The following LRBA variants were observed in gnomAD, a reference collection of about 807,000 sequenced individuals.
LRBA encodes lipopolysaccharide-responsive and beige-like anchor protein.
LRBA carries 176 observed loss-of-function variants against 330.0 expected under a neutral mutation model. The observed-to-expected ratio is 0.53, with a 90% CI of 0.47 to 0.60. LRBA has a LOEUF of 0.60. LRBA is among the 20% of genes least tolerant of loss of function. The pLI, the probability that LRBA is intolerant of heterozygous loss-of-function variation, is 0.00. For missense variants in LRBA, 3,259 were observed against 3,444.8 expected (o/e 0.95, Z 1.35); for synonymous variants, 1,230 against 1,193.0 (o/e 1.03, Z -0.64).
At chr4:150,287,395 G>A (rs1045317569) in intron 53 of LRBA, among the ~76,000 whole-genome samples, 4 of 152,182 alleles carry the variant, frequency 2.6e-5, no homozygotes, top group Admixed American at 6.5e-5. Context: ...AGGTAGCAGG[G>A]GAGGAAAATA....
rs762047624 is a variant in LRBA, at chr4:150,735,246, T to A, written c.5754+12A>T. 37 of 1,590,466 alleles carry A rather than the reference T, an allele frequency of 2.3e-5. No individual in the cohort carries two copies. The highest frequency in any genetic ancestry group is 3.2e-5 in the Non-Finnish European group (37 of 1,158,728). The stretch of plus-strand genomic sequence containing the variant: ...CGGTAACTTCCGCACACCAACCATA[T>A]GTGTAACCTACCTCAAATTCCGCAT... On this transcript the variant is annotated intron_variant, in intron 36 of 56. Coordinates refer to ENST00000651943, the MANE Select transcript of LRBA (RefSeq NM_001364905.1).
At chr4:150,477,665 G>A (rs992184105) in intron 42 of LRBA, among the ~76,000 whole-genome samples, 2 of 152,038 alleles carry the variant, frequency 1.3e-5, no homozygotes, top group Admixed American at 6.6e-5. Flanking sequence ...CCTGGTGGGA[G>A]GTGATTATAT....
intron 37 of LRBA, among the ~76,000 whole-genome samples, chr4:150,609,613 GATTACT>G: frequency 1.3e-5 from 2 of 152,164 alleles, no homozygotes; most frequent in Non-Finnish European, 2.9e-5. Context: ...CAGATACATG[GATTACT>G]GGTGATGCTG....
chr4:150,956,634 T>C (rs1737576876), intron 2 of LRBA, among the ~76,000 whole-genome samples: 2 of 148,868 alleles, frequency 1.3e-5, no homozygotes, highest in Non-Finnish European at 2.9e-5. Flanking sequence ...CTCAACAAAA[T>C]ACTAGCAAAC....
In LRBA at chr4:150,347,782, C is replaced by G. The variant is rs1035766392; in HGVS notation, c.7362+2210G>C. On this transcript the variant is annotated intron_variant, in intron 48 of 56. Coordinates refer to ENST00000651943, the MANE Select transcript of LRBA (RefSeq NM_001364905.1). Reference sequence around the variant, plus strand: ...ATATAATTGAGCTTACACCTATATTCAAATATATATCTAATGTCTACATGG... The same window carrying G: ...ATATAATTGAGCTTACACCTATATTGAAATATATATCTAATGTCTACATGG... 1.8e-4 allele frequency among the ~76,000 whole-genome samples: 28 copies of G among 152,116 alleles called. No individual in the cohort carries two copies. In the South Asian group the frequency reaches 2.7e-3, roughly 15 times the overall value.
At chr4:150,371,713 T>A (rs1341439765) in intron 47 of LRBA, among the ~76,000 whole-genome samples, 1 of 151,680 alleles carries the variant, frequency 6.6e-6, no homozygotes, top group East Asian at 1.9e-4. Context: ...TTTATAAATA[T>A]ATAATATTAA....
At position 150,994,044 on chromosome 4, in the gene LRBA, G is replaced by A. The variant is rs1223550358; in HGVS notation, c.216+20383C>T. Among the ~76,000 whole-genome samples, 6 of 141,286 alleles carry A rather than the reference G, an allele frequency of 4.2e-5. No homozygotes were observed. The East Asian group carries it at 8.1e-4, about 19-fold the overall frequency. The allele number at this position is 141,286 out of a possible 152,430, so 92.7% of individuals were successfully genotyped here. ...CATACCACTGCACTCCAGCCTGGGC[G>A]ACAGAGCAAGACTCTGTCTCAAAAA... On this transcript the variant is annotated intron_variant, in intron 2 of 56. Transcript: ENST00000651943.
intron 40 of LRBA, among the ~76,000 whole-genome samples, chr4:150,571,588 T>G (rs546415396): frequency 6.7e-6 from 1 of 148,648 alleles, no homozygotes; most frequent in Non-Finnish European, 1.5e-5. Flanking sequence ...AATATCACTA[T>G]AAACTGAAGA....
intron 52 of LRBA, among the ~76,000 whole-genome samples, chr4:150,306,118 A>T (rs1446636281): frequency 6.6e-6 from 1 of 152,192 alleles, no homozygotes; most frequent in Non-Finnish European, 1.5e-5. Context: ...TGCACCACTG[A>T]ATCTAAAATG....
chr4:150,273,099 T>G (rs1331397049), intron 56 of LRBA, among the ~76,000 whole-genome samples: 1 of 152,140 alleles, frequency 6.6e-6, no homozygotes, highest in African/African-American at 2.4e-5. Context: ...CCCATCAGAC[T>G]AACAGCGGAT....
chr4:150,291,245 T>A (rs1253145916), intron 53 of LRBA, among the ~76,000 whole-genome samples: 1 of 144,182 alleles, frequency 6.9e-6, no homozygotes, highest in African/African-American at 2.6e-5. Context: ...ACTAAAGAGC[T>A]TCTGCACAGC....
chr4:150,327,204 G>A (rs913682220), intron 48 of LRBA, among the ~76,000 whole-genome samples: 2 of 152,104 alleles, frequency 1.3e-5, no homozygotes, highest in African/African-American at 2.4e-5. Context: ...CAGGAGGATC[G>A]CTTGAGGCCA....
intron 53 of LRBA, among the ~76,000 whole-genome samples, chr4:150,297,112 C>A (rs1338379833): frequency 6.7e-6 from 1 of 149,978 alleles, no homozygotes; most frequent in African/African-American, 2.4e-5. Flanking sequence ...GATACTCAAT[C>A]TGAGGGTATA....
At chr4:150,990,349 G>A (rs1051432540) in intron 2 of LRBA, among the ~76,000 whole-genome samples, 9 of 152,288 alleles carry the variant, frequency 5.9e-5, no homozygotes, top group South Asian at 4.1e-4. Context: ...TTATCATCCA[G>A]AAGAATTTAG....
intron 42 of LRBA, among the ~76,000 whole-genome samples, chr4:150,481,206 G>A (rs1049846743): frequency 1.3e-5 from 2 of 152,060 alleles, no homozygotes; most frequent in African/African-American, 4.8e-5. Flanking sequence ...ATTCCATTGT[G>A]TATATATGGC....
intron 47 of LRBA, among the ~76,000 whole-genome samples, chr4:150,408,704 C>T (rs1426833606): frequency 2.0e-5 from 3 of 152,056 alleles, no homozygotes; most frequent in Non-Finnish European, 4.4e-5. Context: ...GAACTTAAAA[C>T]ATATAAGTGT....
Position 150,324,161 on chromosome 4 carries a change from G to A in LRBA, c.7452+1648C>T, listed in dbSNP as rs575396645. Reference sequence around the variant, plus strand: ...GATAGCAAAGCTGCTCTGCCTGTATGAGCCAATAAGCCTCTGCCATGGAAG... The same window carrying A: ...GATAGCAAAGCTGCTCTGCCTGTATAAGCCAATAAGCCTCTGCCATGGAAG... On this transcript the variant is annotated intron_variant, in intron 49 of 56. Coordinates refer to ENST00000651943, the MANE Select transcript of LRBA (RefSeq NM_001364905.1). Among the ~76,000 whole-genome samples the A allele has an allele frequency of 3.3e-5, 5 of 152,238 alleles. No homozygotes were observed. The East Asian group carries it at 7.7e-4, about 24-fold the overall frequency.
chr4:150,701,406 TATA>T (rs748473506), intron 36 of LRBA, among the ~76,000 whole-genome samples: 9 of 152,226 alleles, frequency 5.9e-5, no homozygotes, highest in Non-Finnish European at 1.2e-4. Context: ...CCAAGTATTA[TATA>T]ATTGTGCTGC....
In LRBA at chr4:150,818,548, G is replaced by A. The variant is rs1005028379; in HGVS notation, c.5172-1291C>T. Among the ~76,000 whole-genome samples the A allele has an allele frequency of 4.3e-3, 651 of 151,098 alleles. 5 individuals carry two copies. Among genetic ancestry groups the A allele is most frequent in the African/African-American group, 0.015 (630 of 41,160 alleles). On this transcript the variant is annotated intron_variant, in intron 30 of 56. Transcript: ENST00000651943. Reference sequence around the variant, plus strand: ...GACGAATGTCTGTGTGTGTGTGTGTGTGTGTGTGTGTGTGTGCGTGCACGA... The same window carrying A: ...GACGAATGTCTGTGTGTGTGTGTGTATGTGTGTGTGTGTGTGCGTGCACGA...
Sources: allele counts gnomAD v4.1 joint callset (sites outside exome capture counted in the v4.1 genomes callset), GRCh38; gene constraint gnomAD v4.1.1; transcripts MANE v1.5; gene names NCBI Gene and HGNC (gene_info 2026-07-23, HGNC 2026-07-21).